Variants in FRMPD4 observed in about 807,000 individuals in gnomAD.
The protein encoded by FRMPD4 is FERM and PDZ domain-containing protein 4.
A neutral mutation model predicts 94.1 loss-of-function variants in FRMPD4; 22 were observed. The observed-to-expected ratio is 0.23, with a 90% confidence interval of 0.17 to 0.33. The LOEUF is 0.33. FRMPD4 is among the 10% of genes least tolerant of loss of function. The probability of loss-of-function intolerance (pLI) is 1.00; values close to 1 mark genes in which losing one functional copy is unlikely to be tolerated. For synonymous variants in FRMPD4, 631 were observed against 548.6 expected (o/e 1.15, Z -2.10); for missense variants, 1,111 against 1,339.9 (o/e 0.83, Z 2.67).
chrX:11,929,594 G>C (rs2054109571), intron 3 of FRMPD4, among the ~76,000 whole-genome samples: 1 of 112,521 alleles, frequency 8.9e-6, no homozygotes, highest in Non-Finnish European at 1.9e-5. Context: ...CATAAAGCTA[G>C]TCTTAACCTG....
At chrX:12,276,563 G>A (rs917235782) in intron 1 of FRMPD4, among the ~76,000 whole-genome samples, 2 of 112,169 alleles carry the variant, frequency 1.8e-5, no homozygotes, top group African/African-American at 6.5e-5. Context: ...TGATCATGCA[G>A]TTGGAGCCTC....
chrX:11,932,690 TA>T (rs137926332), intron 3 of FRMPD4, among the ~76,000 whole-genome samples: 2,738 of 95,743 alleles, frequency 0.029, 85 homozygotes, highest in African/African-American at 0.092. Context: ...AAAACAAACA[TA>T]AAAAAAAAAA....
chrX:11,886,258 A>T (rs997806154), intron 3 of FRMPD4, among the ~76,000 whole-genome samples: 2 of 112,174 alleles, frequency 1.8e-5, no homozygotes, highest in Non-Finnish European at 1.9e-5. Flanking sequence ...CAAGTTTTTG[A>T]AGATTTTTAA....
intron 1 of FRMPD4, chrX:12,373,121 C>T (rs1428619834): frequency 1.8e-5 from 2 of 112,275 alleles, no homozygotes; most frequent in Non-Finnish European, 3.8e-5. Flanking sequence ...TAGCTTAGCC[C>T]TTGATTTGTA....
At chrX:12,214,874 AT>A in intron 1 of FRMPD4, among the ~76,000 whole-genome samples, 1 of 107,156 alleles carries the variant, frequency 9.3e-6, no homozygotes, top group Middle Eastern at 4.7e-3. Flanking sequence ...ATTTTGTTAC[AT>A]TTTACATTTT....
intron 1 of FRMPD4, among the ~76,000 whole-genome samples, chrX:12,438,302 C>T (rs1040484699): frequency 1.8e-5 from 2 of 109,600 alleles, no homozygotes; most frequent in Non-Finnish European, 3.8e-5. Flanking sequence ...CCTTAATTTG[C>T]CTATCATCCT....
intron 5 of FRMPD4, among the ~76,000 whole-genome samples, chrX:12,675,215 G>A (rs758291026): frequency 5.1e-4 from 57 of 111,701 alleles, no homozygotes; most frequent in Non-Finnish European, 8.7e-4. Flanking sequence ...TTCAGCTTAA[G>A]AAACACAAAT....
chrX:11,966,742 A>G (rs1171690539), intron 3 of FRMPD4, among the ~76,000 whole-genome samples: 1 of 112,251 alleles, frequency 8.9e-6, no homozygotes, highest in Non-Finnish European at 1.9e-5. Flanking sequence ...TAACCTTTCC[A>G]GTAATGCCAA....
At chrX:12,019,149 T>C (rs140209915) in intron 3 of FRMPD4, among the ~76,000 whole-genome samples, 186 of 109,635 alleles carry the variant, frequency 1.7e-3, no homozygotes, top group African/African-American at 6.1e-3. Flanking sequence ...CAAATGAGTT[T>C]CAATTTTTTG....
intron 1 of FRMPD4, among the ~76,000 whole-genome samples, chrX:12,234,095 G>A (rs865957771): frequency 2.7e-5 from 3 of 111,226 alleles, no homozygotes; most frequent in Admixed American, 1.9e-4. Context: ...TAACCAGCAC[G>A]AGCAAAAATG....
intron 3 of FRMPD4, among the ~76,000 whole-genome samples, chrX:11,950,616 A>G (rs770362962): frequency 5.4e-5 from 6 of 111,856 alleles, no homozygotes; most frequent in Non-Finnish European, 1.1e-4. Flanking sequence ...AAAAATTGAG[A>G]TATCATTTAC....
At chrX:11,930,080 C>T (rs750639105) in intron 3 of FRMPD4, among the ~76,000 whole-genome samples, 2 of 83,838 alleles carry the variant, frequency 2.4e-5, no homozygotes, top group South Asian at 1.5e-3. Flanking sequence ...TGCACTCCAG[C>T]CTGGGCAACA....
At chrX:12,187,609 T>A (rs1227540508) in intron 1 of FRMPD4, among the ~76,000 whole-genome samples, 1 of 111,633 alleles carries the variant, frequency 9.0e-6, no homozygotes, top group Non-Finnish European at 1.9e-5. Flanking sequence ...TATTTTATAG[T>A]GAAATAGAAT....
chrX:12,480,692 T>G (rs767782041), intron 1 of FRMPD4, among the ~76,000 whole-genome samples: 11 of 112,159 alleles, frequency 9.8e-5, no homozygotes, highest in Non-Finnish European at 1.3e-4. Flanking sequence ...AGAGTCCACA[T>G]GGGAAACATT....
chrX:12,525,164 C>T (rs1034339307), intron 2 of FRMPD4, among the ~76,000 whole-genome samples: 3 of 110,795 alleles, frequency 2.7e-5, no homozygotes, highest in African/African-American at 9.9e-5. Context: ...AACTAGACAA[C>T]TGATTCTAAT....
chrX:12,639,154 T>C (rs200920030), intron 4 of FRMPD4, among the ~76,000 whole-genome samples: 1 of 112,351 alleles, frequency 8.9e-6, no homozygotes, highest in East Asian at 2.8e-4. Context: ...CATGGGGTTT[T>C]GGCTTTAATA....
intron 4 of FRMPD4, among the ~76,000 whole-genome samples, chrX:12,615,941 C>T (rs1249302334): frequency 1.3e-4 from 14 of 111,137 alleles, no homozygotes; most frequent in Non-Finnish European, 2.3e-4. Context: ...GCTTTTGCTT[C>T]ACAAAGAGGT....
At chrX:11,823,818 GT>G (rs1181807211) in intron 1 of FRMPD4, among the ~76,000 whole-genome samples, 70 of 111,788 alleles carry the variant, frequency 6.3e-4, no homozygotes, top group African/African-American at 2.1e-3. Context: ...ACATTGTTCT[GT>G]TCACAAGCCA....
chrX:11,868,567 G>C (rs2053736697), intron 2 of FRMPD4, among the ~76,000 whole-genome samples: 1 of 64,122 alleles, frequency 1.6e-5, no homozygotes, highest in African/African-American at 5.8e-5. Context: ...ACAATTAGTA[G>C]AGGCTGCTAA....
Sources: allele counts gnomAD v4.1 joint callset (sites outside exome capture counted in the v4.1 genomes callset), GRCh38; gene constraint gnomAD v4.1.1; transcripts MANE v1.5; gene names NCBI Gene and HGNC (gene_info 2026-07-23, HGNC 2026-07-21).